The following NRDC variants were observed in gnomAD, a reference collection of about 807,000 sequenced individuals.
NRDC encodes the protein nardilysin.
NRDC carries 54 observed loss-of-function variants against 147.1 expected under a neutral mutation model. The ratio of observed to expected loss-of-function variants is 0.37; its 90% confidence interval spans 0.29 to 0.46. The LOEUF (loss-of-function observed/expected upper bound fraction) is 0.46, where lower values mean the gene tolerates loss of function less well. NRDC is among the 20% of genes least tolerant of loss of function. The pLI is 1.00. For synonymous variants in NRDC, 440 were observed against 482.1 expected (o/e 0.91, Z 1.14); for missense variants, 1,082 against 1,370.6 (o/e 0.79, Z 3.33).
chr1:51,791,933 T>C (rs1678676528), intron 26 of NRDC, 113 bp downstream of exon 26: 8 of 1,083,960 alleles, frequency 7.4e-6, no homozygotes, highest in Non-Finnish European at 9.7e-6. Flanking sequence ...AATATCACCC[T>C]ATGAGATGGA....
intron 20 of NRDC, among the ~76,000 whole-genome samples, chr1:51,803,219 A>AG (rs1373676758): frequency 1.3e-5 from 2 of 152,332 alleles, no homozygotes; most frequent in African/African-American, 4.8e-5. Context: ...TCACGCCTAT[A>AG]ATCCCAGCAC....
chr1:51,847,549 GA>G (rs1390893982), intron 1 of NRDC, among the ~76,000 whole-genome samples: 1 of 152,232 alleles, frequency 6.6e-6, no homozygotes, highest in East Asian at 1.9e-4. Context: ...GGCCCGGCGA[GA>G]AATCGAGCGC....
intron 28 of NRDC, 47 bp downstream of exon 28, chr1:51,790,853 G>C (rs766727944): frequency 6.7e-7 from 1 of 1,481,504 alleles, no homozygotes; most frequent in South Asian, 1.2e-5. Flanking sequence ...TTTGTATCTG[G>C]GGGCTTGTGT....
chr1:51,848,208 G>A (rs1681750601), intron 1 of NRDC, among the ~76,000 whole-genome samples: 1 of 152,102 alleles, frequency 6.6e-6, no homozygotes, highest in Non-Finnish European at 1.5e-5. Flanking sequence ...GGGCGCGGTG[G>A]CCCACGCCTG....
chr1:51,809,430 A>G (rs1177552694), intron 16 of NRDC, 29 bp from the exon 17 acceptor site: 1 of 1,375,936 alleles, frequency 7.3e-7, no homozygotes. Context: ...AACTGACCCA[A>G]TAAACAATGC....
At position 51,790,522 on chromosome 1, in the gene NRDC, A is replaced by G. The variant is rs1557893743; in HGVS notation, c.3168+11T>C. ...CCAGTTTGAGCTGTCTTACTCTGAA[A>G]ACCATGTTACCTCGTGGGCAAGGCG... On this transcript the variant is annotated intron_variant, in intron 29 of 30. Coordinates refer to ENST00000352171, the MANE Select transcript of NRDC (RefSeq NM_001101662.2). The G allele has an allele frequency of 1.3e-6, 2 of 1,578,682 alleles. No homozygotes were observed. The highest frequency in any genetic ancestry group is 2.2e-5 in the East Asian group (1 of 44,716).
intron 9 of NRDC, among the ~76,000 whole-genome samples, chr1:51,818,970 C>T (rs1680092845): frequency 1.3e-5 from 2 of 152,090 alleles, no homozygotes; most frequent in African/African-American, 4.8e-5. Context: ...TTTATAATCT[C>T]GACTTTGTTA....
intron 9 of NRDC, 61 bp from the exon 10 acceptor site, chr1:51,818,196 A>G: frequency 9.2e-7 from 1 of 1,081,350 alleles, no homozygotes; most frequent in South Asian, 1.6e-5. Flanking sequence ...TTTTACTACA[A>G]GAATGTTTAA....
chr1:51,798,341 C>T lies in NRDC; in HGVS notation c.2512G>A (p.Gly838Ser), dbSNP rs140738363. The change falls in exon 22 of 31, where the codon GGC (glycine) becomes AGC (serine). Residue 838 changes from glycine (G) to serine (S), a missense_variant. Gly to Ser is a moderately conservative substitution (Grantham distance 56). Transcript: ENST00000352171. ...CTCAGCAGAGACTCAAGGGAAAGGC[C>T]GTCCATCAAAGCCTGGTACTTGTCA... is the stretch of plus-strand genomic sequence containing the variant. Reference protein sequence around the residue: ...MIDKYQALMDGLSLESLLSFV... With the variant: ...MIDKYQALMDSLSLESLLSFV... The T allele has an allele frequency of 2.5e-4, 398 of 1,613,920 alleles. No homozygotes were observed. Among genetic ancestry groups the T allele is most frequent in the South Asian group, 4.9e-4 (45 of 91,082 alleles).
intron 1 of NRDC, among the ~76,000 whole-genome samples, chr1:51,859,545 G>A (rs890875767): frequency 2.6e-5 from 4 of 152,068 alleles, no homozygotes; most frequent in Non-Finnish European, 5.9e-5. Flanking sequence ...GGAGGGTTCC[G>A]TCCTCCAGGC....
chr1:51,810,214 T>C lies in NRDC; in HGVS notation c.1903+67A>G, dbSNP rs180900626. Reference sequence around the variant, plus strand: ...TCCCCCTCTAGAACCATTAAATTATTAAAGAATAAACATTTCCAGGTAAGT... The same window carrying C: ...TCCCCCTCTAGAACCATTAAATTATCAAAGAATAAACATTTCCAGGTAAGT... On this transcript the variant is annotated intron_variant, in intron 16 of 30. Coordinates refer to ENST00000352171, the MANE Select transcript of NRDC (RefSeq NM_001101662.2). The C allele has an allele frequency of 7.3e-6, 9 of 1,237,816 alleles. 1 individual carries two copies. In the African/African-American group the frequency reaches 1.2e-4, roughly 17 times the overall value. 76.7% of individuals were successfully genotyped at this position (1,237,816 alleles called of 1,614,324 possible).
At chr1:51,872,075 T>A (rs1435509621) in intron 1 of NRDC, among the ~76,000 whole-genome samples, 1 of 152,232 alleles carries the variant, frequency 6.6e-6, no homozygotes, top group East Asian at 1.9e-4. Context: ...TTCACCATGT[T>A]GGCCAGGTAG....
intron 1 of NRDC, among the ~76,000 whole-genome samples, chr1:51,872,162 C>T (rs7549998): frequency 7.9e-4 from 120 of 152,308 alleles, no homozygotes; most frequent in Middle Eastern, 3.4e-3. Context: ...TGAGCCACGG[C>T]GCCCAGTCAG....
In NRDC at chr1:51,836,205, G is replaced by A; in HGVS notation, c.638C>T (p.Ala213Val). The A allele has an allele frequency of 3.1e-6, 5 of 1,613,984 alleles. No homozygotes were observed. Among genetic ancestry groups the A allele is most frequent in the East Asian group, 2.2e-5 (1 of 44,872 alleles). ...ACTCCCAACTCCAACACAAAGAGCC[G>A]CTGCAGACTGGAGTAATTAGAACAC... is the stretch of plus-strand genomic sequence containing the variant. The part of the protein sequence containing the change: ...RKKTTEKQSA[A>V]ALCVGVGSFA... Residue 213 changes from alanine (A) to valine (V), a missense_variant, in exon 3 of 31, where the codon GCG becomes GTG. By Grantham distance (64) the Ala-to-Val change is moderately conservative (BLOSUM62 0). Coordinates refer to ENST00000352171, the MANE Select transcript of NRDC (RefSeq NM_001101662.2).
intron 4 of NRDC, among the ~76,000 whole-genome samples, chr1:51,831,893 A>C (rs1571878635): frequency 6.6e-6 from 1 of 151,504 alleles, no homozygotes; most frequent in Admixed American, 6.6e-5. Context: ...ACATCACTGC[A>C]CTCCAGCCTG....
At chr1:51,824,406 G>A (rs1414041119) in intron 6 of NRDC, among the ~76,000 whole-genome samples, 1 of 152,120 alleles carries the variant, frequency 6.6e-6, no homozygotes, top group Non-Finnish European at 1.5e-5. Flanking sequence ...TTACAGGCGT[G>A]AGCCACCGCG....
chr1:51,855,405 T>C (rs1682185015), intron 1 of NRDC, among the ~76,000 whole-genome samples: 1 of 152,104 alleles, frequency 6.6e-6, no homozygotes, highest in South Asian at 2.1e-4. Flanking sequence ...GGAAAGAATG[T>C]TTTTATTTAA....
chr1:51,789,274 T>C lies in NRDC; in HGVS notation c.3418A>G (p.Thr1140Ala), dbSNP rs767181283. 1.9e-6 allele frequency: 3 copies of C among 1,614,130 alleles called. No individual in the cohort carries two copies. The highest frequency in any genetic ancestry group is 2.5e-6 in the Non-Finnish European group (3 of 1,179,974). The change falls in exon 31 of 31, where the codon ACA becomes GCA. Residue 1140 changes from threonine to alanine, a missense_variant. Physicochemically the swap from Thr to Ala is moderately conservative, Grantham distance 58. Around this residue, in one of 3 missense-constraint regions of NRDC, gnomAD observed 187 missense variants for 193.6 expected, o/e 0.97. Transcript: ENST00000352171. ...TTATGGTAGGGGAGAAGGTTGAGTG[T>C]TGTTGTGAAAGCCCTGATATCAGTA... ...PITDIRAFTT[T>A]LNLLPYHKIV...
intron 1 of NRDC, among the ~76,000 whole-genome samples, chr1:51,851,238 G>T (rs781419108): frequency 5.3e-5 from 8 of 152,162 alleles, no homozygotes; most frequent in Middle Eastern, 3.4e-3. Flanking sequence ...CTTTCAGCAG[G>T]AAATCCAGCC....
Sources: gnomAD v4.1 joint callset for allele counts (sites outside exome capture counted in the v4.1 genomes callset) on GRCh38, gnomAD v4.1.1 for gene constraint, gnomAD v4.1.1 regional missense constraint, MANE v1.5 for transcripts, NCBI Gene and HGNC (gene_info 2026-07-23, HGNC 2026-07-21) for gene names.